The following DOCK6 variants were observed in gnomAD, a reference collection of about 807,000 sequenced individuals.
DOCK6 encodes the protein dedicator of cytokinesis 6.
A neutral mutation model predicts 230.3 loss-of-function variants in DOCK6; 167 were observed. The observed-to-expected ratio is 0.73, with a 90% CI of 0.64 to 0.82. The LOEUF (loss-of-function observed/expected upper bound fraction) is 0.82, where lower values mean the gene tolerates loss of function less well. Ranked by LOEUF, DOCK6 falls within the 40% of genes least tolerant of loss-of-function variation. DOCK6 has a pLI of 0.00. For synonymous variants in DOCK6, 1,148 were observed against 1,185.0 expected (o/e 0.97, Z 0.64); for missense variants, 2,598 against 2,825.8 (o/e 0.92, Z 1.83).
rs1177359444 is a variant in DOCK6, at chr19:11,204,711, A to G, written c.5089-380T>C. ...CATGCCACCATGCCCAAATAATTTT[A>G]TTTTAGTTTTTGTAGAGTCAGGGTC... On this transcript the variant is annotated intron_variant, in intron 39 of 47. Coordinates refer to ENST00000294618, the MANE Select transcript of DOCK6 (RefSeq NM_020812.4). Among the ~76,000 whole-genome samples the G allele has an allele frequency of 2.6e-5, 4 of 151,736 alleles. No individual in the cohort carries two copies. The East Asian group carries it at 7.8e-4, about 29-fold the overall frequency.
At position 11,214,370 on chromosome 19, in the gene DOCK6, C is replaced by T. The variant is rs79273396; in HGVS notation, c.4243G>A (p.Ala1415Thr). Residue 1415 changes from alanine (A) to threonine (T), a missense_variant, in exon 34 of 48, where the codon GCA (alanine) becomes ACA (threonine). Coordinates refer to ENST00000294618, the MANE Select transcript of DOCK6 (RefSeq NM_020812.4). ...LSEARESVLG[A>T]VLKVVLYSLG... ...CTGTACAGCACAACCTTCAGCACTG[C>T]CCCCAAGACGCTCTCCCGGGCTTCT... 6.2e-7 allele frequency: 1 copy of T among 1,613,632 alleles called. No individual in the cohort carries two copies. The highest frequency in any genetic ancestry group is 1.7e-5 in the Admixed American group (1 of 60,010).
chr19:11,215,439 G>A lies in DOCK6; in HGVS notation c.4054C>T (p.Arg1352Cys), dbSNP rs550858597. Residue 1352 changes from arginine to cysteine, a missense_variant, in exon 32 of 48, where the codon CGC becomes TGC. By Grantham distance (180) the Arg-to-Cys change is radical (BLOSUM62 -3). Coordinates refer to ENST00000294618, the MANE Select transcript of DOCK6 (RefSeq NM_020812.4). ...CAGTGTGTGACGCTCTTCCGCCAGCGCACATTCTCCGGATTCCCAAACGGG... is the reference window on the plus strand; with the variant it reads ...CAGTGTGTGACGCTCTTCCGCCAGCACACATTCTCCGGATTCCCAAACGGG... The part of the protein sequence containing the change: ...RSPFGNPENV[R>C]WRKSVTHWKQ... 100 of 1,613,376 alleles carry A rather than the reference G, an allele frequency of 6.2e-5. No individual in the cohort carries two copies. Among genetic ancestry groups the A allele is most frequent in the Non-Finnish European group, 7.9e-5 (93 of 1,179,840 alleles).
At position 11,212,297 on chromosome 19, in the gene DOCK6, A is replaced by G. The variant is rs1035771256; in HGVS notation, c.4492-146T>C. 3.1e-5 allele frequency: 28 copies of G among 917,572 alleles called. No homozygotes were observed. In the East Asian group the frequency reaches 7.8e-4, roughly 26 times the overall value. 56.8% of individuals were successfully genotyped at this position (917,572 alleles called of 1,614,324 possible). A position where few individuals can be genotyped will look rare whatever the true frequency, so the allele number is the denominator to read the frequency against. On this transcript the variant is annotated intron_variant, in intron 35 of 47. Coordinates refer to ENST00000294618, the MANE Select transcript of DOCK6 (RefSeq NM_020812.4). ...CACTCTGTCGCCCAGGCTGGAGTGC[A>G]GTGGCATGATCTCAGCTCACTGCAA...
intron 33 of DOCK6, 21 bp downstream of exon 33, chr19:11,214,532 A>C: frequency 1.9e-6 from 3 of 1,613,866 alleles, no homozygotes; most frequent in Non-Finnish European, 2.5e-6. Flanking sequence ...AGCACAAGGC[A>C]GATGCTGGAT....
At chr19:11,231,132 T>C (rs1233166754) in intron 22 of DOCK6, among the ~76,000 whole-genome samples, 2 of 152,184 alleles carry the variant, frequency 1.3e-5, no homozygotes, top group Non-Finnish European at 2.9e-5. Context: ...GGGCCTGTCA[T>C]AGGGTACAGG....
rs759654819 is a variant in DOCK6, at chr19:11,243,589, C to T, written c.1226G>A (p.Gly409Glu). The change falls in exon 11 of 48, where the codon GGG (glycine) becomes GAG (glutamate). Residue 409 changes from glycine (G) to glutamate (E), a missense_variant. Physicochemically the swap from Gly to Glu is moderately conservative, Grantham distance 98 (BLOSUM62 -2). Transcript: ENST00000294618. The surrounding 1 kb of genome is among the most constrained non-coding windows in gnomAD (Gnocchi z 6.3). ...CGAGTCAGAGTCCCGGTCCAGCTGC[C>T]CAGCGCTGCTCACGATGTTGGCCAA... ...VHLANIVSSAGQLDRDSDSEG... is the reference protein window; with the variant it reads ...VHLANIVSSAEQLDRDSDSEG... 27 of 1,609,350 alleles carry T rather than the reference C, an allele frequency of 1.7e-5. No homozygotes were observed. Among genetic ancestry groups the T allele is most frequent in the Middle Eastern group, 1.7e-4 (1 of 5,988 alleles).
intron 9 of DOCK6, among the ~76,000 whole-genome samples, chr19:11,244,871 G>C (rs565077767): frequency 6.6e-6 from 1 of 152,208 alleles, no homozygotes; most frequent in Non-Finnish European, 1.5e-5. Flanking sequence ...TAGGATTACA[G>C]TTGTGAGTCA....
chr19:11,204,515 G>A (rs1457940861), intron 39 of DOCK6, among the ~76,000 whole-genome samples, 184 bp from the exon 40 acceptor site: 2 of 151,926 alleles, frequency 1.3e-5, no homozygotes, highest in Non-Finnish European at 1.5e-5. Flanking sequence ...CTCCCACAGA[G>A]GGCTCCATGG....
intron 24 of DOCK6, 55 bp from the exon 25 acceptor site, chr19:11,223,161 G>A: frequency 6.5e-7 from 1 of 1,543,524 alleles, no homozygotes; most frequent in Non-Finnish European, 8.9e-7. Flanking sequence ...CCCGACAGGG[G>A]CTTGGCTCTC....
At position 11,252,509 on chromosome 19, in the gene DOCK6, A is replaced by G. The variant is rs1383112420; in HGVS notation, c.350T>C (p.Ile117Thr). 4 of 1,613,764 alleles carry G rather than the reference A, an allele frequency of 2.5e-6. No homozygotes were observed. Among genetic ancestry groups the G allele is most frequent in the Non-Finnish European group, 3.4e-6 (4 of 1,179,900 alleles). Residue 117 changes from isoleucine to threonine, a missense_variant, in exon 4 of 48, where the codon ATT (isoleucine) becomes ACT (threonine). By Grantham distance (89) the Ile-to-Thr change is moderately conservative. Transcript: ENST00000294618. ...TCTGTGGACAATGACCCAGTCCTCA[A>G]TATACATCTCCACCGCGGCCCTCAC... ...AQVRAAVEMYIEDWVIVHRRY... is the reference protein window; with the variant it reads ...AQVRAAVEMYTEDWVIVHRRY...
At chr19:11,208,523 C>T (rs1352143414) in intron 39 of DOCK6, 163 bp downstream of exon 39, 2 of 977,496 alleles carry the variant, frequency 2.0e-6, no homozygotes, top group Admixed American at 2.9e-5. Context: ...TCATGACCTG[C>T]CTGCCTCCGC....
At chr19:11,205,204 GT>G (rs147860408) in intron 39 of DOCK6, among the ~76,000 whole-genome samples, 8 of 151,982 alleles carry the variant, frequency 5.3e-5, no homozygotes, top group East Asian at 1.9e-4. Flanking sequence ...TGTGTGTATG[GT>G]TTTTTTTCGT....
intron 1 of DOCK6, among the ~76,000 whole-genome samples, chr19:11,255,839 T>G (rs941351318): frequency 1.3e-5 from 2 of 152,170 alleles, no homozygotes; most frequent in Non-Finnish European, 2.9e-5. Flanking sequence ...CACGCTGGAG[T>G]GCAGTGGCGC....
Position 11,208,899 on chromosome 19 carries a change from CT to C in DOCK6, c.4944+11del, listed in dbSNP as rs1440726722. 2.5e-6 allele frequency: 4 copies of C among 1,597,564 alleles called. No individual in the cohort carries two copies. The highest frequency in any genetic ancestry group is 2.3e-5 in the East Asian group (1 of 44,388). On this transcript the variant is annotated intron_variant, in intron 38 of 47. Coordinates refer to ENST00000294618, the MANE Select transcript of DOCK6 (RefSeq NM_020812.4). ...CGTGCCGTCCGCCACCTGCCAACCC[CT>C]GGCCACTCACCTGGAAGGAAACGCA...
At chr19:11,209,278 A>C in intron 37 of DOCK6, among the ~76,000 whole-genome samples, 175 bp from the exon 38 acceptor site, 1 of 139,328 alleles carries the variant, frequency 7.2e-6, no homozygotes, top group South Asian at 2.3e-4. Context: ...TCCCTCATCT[A>C]TCTCCCCACC....
intron 9 of DOCK6, among the ~76,000 whole-genome samples, chr19:11,245,318 C>T (rs1000498878): frequency 2.0e-5 from 3 of 152,174 alleles, no homozygotes; most frequent in Non-Finnish European, 4.4e-5. Context: ...TCACATGTGC[C>T]TAGGGATGGC....
Position 11,200,317 on chromosome 19 carries a change from G to A in DOCK6, c.6092C>T (p.Pro2031Leu). 1 of 1,565,934 alleles carries A rather than the reference G, an allele frequency of 6.4e-7. No individual in the cohort carries two copies. The highest frequency in any genetic ancestry group is 8.7e-7 in the Non-Finnish European group (1 of 1,155,314). ...GCACTAGGTCAGGCACCTGAGGCCG[G>A]GTGGGGTGGGTGCCATCAGCTGGGG... The part of the protein sequence containing the change: ...RLPQLMAPTP[P>L]GLRNSLNRAS... The change falls in exon 47 of 48, where the codon CCC becomes CTC. Residue 2031 changes from proline (P) to leucine (L), a missense_variant. Pro to Leu is a moderately conservative substitution (Grantham distance 98, BLOSUM62 -3). Coordinates refer to ENST00000294618, the MANE Select transcript of DOCK6 (RefSeq NM_020812.4). The surrounding 1 kb of genome is among the most constrained non-coding windows in gnomAD (Gnocchi z 4.3).
intron 1 of DOCK6, among the ~76,000 whole-genome samples, chr19:11,255,155 C>T (rs2080178742): frequency 6.6e-6 from 1 of 152,054 alleles, no homozygotes; most frequent in Non-Finnish European, 1.5e-5. Flanking sequence ...TGGCATGTGC[C>T]ACCACACCTG....
chr19:11,225,171 T>C (rs1368714270), intron 24 of DOCK6, among the ~76,000 whole-genome samples: 1 of 151,936 alleles, frequency 6.6e-6, no homozygotes, highest in Admixed American at 6.6e-5. Flanking sequence ...GAGGTTGCGG[T>C]GAGCCGAGAT....
Sources: allele counts gnomAD v4.1 joint callset (sites outside exome capture counted in the v4.1 genomes callset), GRCh38; gene constraint gnomAD v4.1.1; non-coding constraint Gnocchi (gnomAD v3.1); transcripts MANE v1.5; gene names NCBI Gene and HGNC (gene_info 2026-07-23, HGNC 2026-07-21).